Variants in TRPM3 observed in about 807,000 individuals in gnomAD.
The protein encoded by TRPM3 is long transient receptor potential channel 3.
A neutral mutation model predicts 181.2 loss-of-function variants in TRPM3; 77 were observed. That is an observed-to-expected ratio of 0.42 (90% CI 0.35 to 0.51). TRPM3 has a LOEUF of 0.51. Ranked by LOEUF, TRPM3 falls within the 20% of genes least tolerant of loss-of-function variation. TRPM3 has a pLI of 0.01. For synonymous variants in TRPM3, 745 were observed against 796.4 expected, an observed-to-expected ratio of 0.94 and a Z score of 1.09; for missense variants, 1,759 against 2,196.7, an observed-to-expected ratio of 0.80 and a Z score of 3.98.
At chr9:70,846,639 G>A (rs1471912387) in intron 3 of TRPM3, 48 bp from the exon 4 acceptor site, 1 of 1,521,870 alleles carries the variant, frequency 6.6e-7, no homozygotes, top group Non-Finnish European at 9.1e-7. Context: ...AGGACTGGCT[G>A]AGGCTGGTTA....
At chr9:70,949,614 C>T (rs1358210572) in intron 1 of TRPM3, among the ~76,000 whole-genome samples, 1 of 151,228 alleles carries the variant, frequency 6.6e-6, no homozygotes, top group African/African-American at 2.4e-5. Context: ...TCGTCATTTG[C>T]CAAAGTCTTG....
intron 8 of TRPM3, among the ~76,000 whole-genome samples, chr9:70,744,000 G>T (rs2074649747): frequency 6.6e-6 from 1 of 152,032 alleles, no homozygotes; most frequent in Non-Finnish European, 1.5e-5. Flanking sequence ...GTGTTCATTG[G>T]TTATGAGAGA....
At chr9:71,340,734 T>G (rs1008008993) in intron 1 of TRPM3, among the ~76,000 whole-genome samples, 1 of 152,102 alleles carries the variant, frequency 6.6e-6, no homozygotes, top group Non-Finnish European at 1.5e-5. Context: ...GCTCTATCTA[T>G]TGAATAGGAC....
At chr9:70,600,940 C>A (rs1416603738) in intron 20 of TRPM3, among the ~76,000 whole-genome samples, 1 of 152,110 alleles carries the variant, frequency 6.6e-6, no homozygotes, top group Non-Finnish European at 1.5e-5. Context: ...GCAGAACAGT[C>A]CGGGGTGAGG....
chr9:70,895,775 A>G (rs182676568), intron 1 of TRPM3, among the ~76,000 whole-genome samples: 1 of 152,288 alleles, frequency 6.6e-6, no homozygotes, highest in Admixed American at 6.5e-5. Flanking sequence ...TAACTTACAA[A>G]AAAAAGAGAC....
At chr9:71,262,168 G>A (rs535049056) in intron 1 of TRPM3, among the ~76,000 whole-genome samples, 42 of 152,320 alleles carry the variant, frequency 2.8e-4, no homozygotes, top group African/African-American at 9.4e-4. Context: ...AGCTCCTGGT[G>A]ATACCCAGAC....
intron 1 of TRPM3, among the ~76,000 whole-genome samples, chr9:71,262,214 C>T (rs2083104423): frequency 6.6e-6 from 1 of 152,164 alleles, no homozygotes; most frequent in South Asian, 2.1e-4. Flanking sequence ...ATGCCCTGTC[C>T]AGAGAGGAGG....
At chr9:71,364,230 G>A (rs114883939) in intron 1 of TRPM3, among the ~76,000 whole-genome samples, 3 of 151,840 alleles carry the variant, frequency 2.0e-5, no homozygotes, top group East Asian at 1.9e-4. Flanking sequence ...TGTTATTCTC[G>A]GGGAAGCCTT....
At chr9:71,154,122 A>G (rs1205581206) in intron 1 of TRPM3, among the ~76,000 whole-genome samples, 1 of 152,152 alleles carries the variant, frequency 6.6e-6, no homozygotes, top group Non-Finnish European at 1.5e-5. Context: ...TGAAATAAAA[A>G]TAATTTTATT....
chr9:71,036,276 A>T (rs1476414548), intron 1 of TRPM3, among the ~76,000 whole-genome samples: 2 of 152,200 alleles, frequency 1.3e-5, no homozygotes, highest in Admixed American at 6.5e-5. Flanking sequence ...TCTTATCCAG[A>T]TGACAGAAAG....
chr9:71,001,296 C>T (rs1165147399), intron 1 of TRPM3, among the ~76,000 whole-genome samples: 1 of 152,144 alleles, frequency 6.6e-6, no homozygotes, highest in Non-Finnish European at 1.5e-5. Flanking sequence ...TAGTCATATG[C>T]CTTCTGATCC....
At chr9:70,962,634 AC>A (rs1164279880) in intron 1 of TRPM3, among the ~76,000 whole-genome samples, 1 of 152,144 alleles carries the variant, frequency 6.6e-6, no homozygotes, top group Non-Finnish European at 1.5e-5. Context: ...TGCAACATAA[AC>A]TATGTTTTCT....
chr9:71,109,885 C>A (rs2070666882), intron 1 of TRPM3, among the ~76,000 whole-genome samples: 2 of 152,068 alleles, frequency 1.3e-5, no homozygotes, highest in Non-Finnish European at 2.9e-5. Flanking sequence ...TGCTATGAAG[C>A]TCATTTCATT....
At chr9:70,913,347 T>C (rs1308552823) in intron 1 of TRPM3, among the ~76,000 whole-genome samples, 2 of 152,186 alleles carry the variant, frequency 1.3e-5, no homozygotes, top group Non-Finnish European at 2.9e-5. Flanking sequence ...CAAAAATCAG[T>C]ACTCTAATCA....
At chr9:70,886,300 A>T (rs1368870242) in intron 1 of TRPM3, among the ~76,000 whole-genome samples, 2 of 152,330 alleles carry the variant, frequency 1.3e-5, no homozygotes, top group East Asian at 3.9e-4. Context: ...TTCAGTAGAT[A>T]TTACGTGGAG....
intron 1 of TRPM3, among the ~76,000 whole-genome samples, chr9:70,867,672 AAAGTAT>A (rs1370052799): frequency 2.0e-5 from 3 of 152,104 alleles, no homozygotes; most frequent in Middle Eastern, 6.3e-3. Flanking sequence ...ATTGAGTAGA[AAAGTAT>A]AAGACACAAT....
chr9:70,918,828 AT>A (rs200388621), intron 1 of TRPM3, among the ~76,000 whole-genome samples: 15 of 151,990 alleles, frequency 9.9e-5, no homozygotes, highest in Admixed American at 3.3e-4. Flanking sequence ...ATAGAAACTT[AT>A]TTTTTTTAAA....
rs893208630 is a variant in TRPM3 at position 70,930,534 on chromosome 9, G to A, written c.178-66023C>T. Among the ~76,000 whole-genome samples, 9 of 152,026 alleles carry A rather than the reference G, an allele frequency of 5.9e-5. No homozygotes were observed. The South Asian group carries it at 1.9e-3, about 32-fold the overall frequency. ...TACTTATTTAAATCTTAACATTTAAGTCACAGAATCTTAGTATTTGGGCTC... is the reference window on the plus strand; with the variant it reads ...TACTTATTTAAATCTTAACATTTAAATCACAGAATCTTAGTATTTGGGCTC... On this transcript the variant is annotated intron_variant, in intron 1 of 25. Coordinates refer to ENST00000677713, the MANE Select transcript of TRPM3 (RefSeq NM_001366145.2).
At chr9:71,238,210 T>C (rs145840526) in intron 1 of TRPM3, among the ~76,000 whole-genome samples, 65 of 152,304 alleles carry the variant, frequency 4.3e-4, no homozygotes, top group South Asian at 8.3e-4. Flanking sequence ...AAATCTACTT[T>C]TATTCCATCT....
Sources: allele counts gnomAD v4.1 joint callset (sites outside exome capture counted in the v4.1 genomes callset), GRCh38; gene constraint gnomAD v4.1.1; transcripts MANE v1.5; gene names NCBI Gene and HGNC (gene_info 2026-07-23, HGNC 2026-07-21).